EXT1: variants seen among roughly 807,000 people sequenced by gnomAD.
EXT1 encodes the protein exostosin-1.
Under a neutral mutation model 82.5 loss-of-function variants are expected in EXT1, and 20 were observed. That is an observed-to-expected ratio of 0.24 (90% CI 0.17 to 0.35). EXT1 has a LOEUF of 0.35. EXT1 is among the 10% of genes least tolerant of loss of function. The pLI is 1.00. For missense variants in EXT1, 757 were observed against 936.5 expected (o/e 0.81, Z 2.50); for synonymous variants, 348 against 350.8 (o/e 0.99, Z 0.09).
intron 1 of EXT1, among the ~76,000 whole-genome samples, chr8:117,870,031 A>G (rs899862687): frequency 3.3e-5 from 5 of 152,088 alleles, no homozygotes; most frequent in Non-Finnish European, 7.4e-5. Flanking sequence ...ATGTCCCCCA[A>G]CCTTGAAGCA....
At chr8:117,909,185 A>G (rs1182113708) in intron 1 of EXT1, among the ~76,000 whole-genome samples, 1 of 152,222 alleles carries the variant, frequency 6.6e-6, no homozygotes, top group Non-Finnish European at 1.5e-5. Context: ...CATGGCTAAA[A>G]AAGAACAATA....
At chr8:118,063,846 C>CTTTA (rs1161651930) in intron 1 of EXT1, among the ~76,000 whole-genome samples, 68 of 150,756 alleles carry the variant, frequency 4.5e-4, no homozygotes, top group African/African-American at 1.6e-3. Flanking sequence ...CAGAGCTACA[C>CTTTA]TTTATTTATT....
intron 1 of EXT1, among the ~76,000 whole-genome samples, chr8:117,937,543 T>C (rs1166269542): frequency 6.6e-6 from 1 of 152,236 alleles, no homozygotes; most frequent in African/African-American, 2.4e-5. Flanking sequence ...CTGAATATAG[T>C]TGTCCCAGCA....
At chr8:118,069,819 A>T (rs1817055311) in intron 1 of EXT1, among the ~76,000 whole-genome samples, 1 of 152,194 alleles carries the variant, frequency 6.6e-6, no homozygotes, top group Non-Finnish European at 1.5e-5. Flanking sequence ...ATCTACCTGT[A>T]GTAACAATGT....
rs11308914 is a variant in EXT1, at chr8:117,956,177, C to CA, written c.963-118977dup. ...ATAACTACGGATTTTTTTTTAACAG[C>CA]AAAAAAAAAAAAACAAGTCGGGGAT... On this transcript the variant is annotated intron_variant, in intron 1 of 10. Coordinates refer to ENST00000378204, the MANE Select transcript of EXT1 (RefSeq NM_000127.3). Among the ~76,000 whole-genome samples, 255 of 141,884 alleles carry CA rather than the reference C, an allele frequency of 1.8e-3. 1 individual carries two copies. Among genetic ancestry groups the CA allele is most frequent in the South Asian group, 9.9e-3 (44 of 4,438 alleles). 93.1% of individuals were successfully genotyped at this position (141,884 alleles called of 152,430 possible).
intron 1 of EXT1, among the ~76,000 whole-genome samples, chr8:118,017,564 G>T (rs1019387288): frequency 6.6e-6 from 1 of 152,120 alleles, no homozygotes; most frequent in Non-Finnish European, 1.5e-5. Context: ...CATTGGTTTA[G>T]AAAGCAGATG....
At chr8:117,867,293 C>T (rs989045145) in intron 1 of EXT1, among the ~76,000 whole-genome samples, 1 of 140,274 alleles carries the variant, frequency 7.1e-6, no homozygotes, top group Admixed American at 7.2e-5. Context: ...AATTTATAGC[C>T]CAGGAAAATG....
chr8:118,093,445 T>C (rs539079265), intron 1 of EXT1, among the ~76,000 whole-genome samples: 1 of 152,318 alleles, frequency 6.6e-6, no homozygotes, highest in South Asian at 2.1e-4. Context: ...GTGAACCATT[T>C]GCCAGAGTCT....
intron 1 of EXT1, among the ~76,000 whole-genome samples, chr8:117,972,900 C>G (rs1025723732): frequency 2.0e-5 from 3 of 152,102 alleles, no homozygotes; most frequent in Middle Eastern, 3.2e-3. Flanking sequence ...TTACCTCCCA[C>G]CAGATCCCTC....
At chr8:118,046,633 A>T (rs1002960005) in intron 1 of EXT1, among the ~76,000 whole-genome samples, 1 of 152,166 alleles carries the variant, frequency 6.6e-6, no homozygotes, top group Non-Finnish European at 1.5e-5. Flanking sequence ...CTCTGAAGTG[A>T]CTTTTAGAAA....
At chr8:118,028,984 C>T (rs558558016) in intron 1 of EXT1, among the ~76,000 whole-genome samples, 3 of 152,048 alleles carry the variant, frequency 2.0e-5, no homozygotes, top group African/African-American at 7.2e-5. Flanking sequence ...ATATATTCAC[C>T]ATAAATATAT....
chr8:118,082,565 A>G (rs1279274051), intron 1 of EXT1, among the ~76,000 whole-genome samples: 1 of 152,230 alleles, frequency 6.6e-6, no homozygotes, highest in East Asian at 1.9e-4. Flanking sequence ...AATAAGATTG[A>G]GTAATCCAAA....
At chr8:117,927,821 T>C (rs1813980783) in intron 1 of EXT1, among the ~76,000 whole-genome samples, 1 of 152,250 alleles carries the variant, frequency 6.6e-6, no homozygotes, top group Non-Finnish European at 1.5e-5. Context: ...CTTGAAATCC[T>C]GAACAATTTT....
At chr8:117,829,035 A>G (rs1366106789) in intron 4 of EXT1, among the ~76,000 whole-genome samples, 3 of 152,174 alleles carry the variant, frequency 2.0e-5, no homozygotes, top group Admixed American at 6.5e-5. Context: ...ATATTACATT[A>G]GCTTTTAGAG....
At chr8:118,059,088 C>T (rs1445880623) in intron 1 of EXT1, among the ~76,000 whole-genome samples, 1 of 152,166 alleles carries the variant, frequency 6.6e-6, no homozygotes, top group Non-Finnish European at 1.5e-5. Flanking sequence ...TGGGAGGACC[C>T]TAAACAGAAA....
intron 1 of EXT1, among the ~76,000 whole-genome samples, chr8:118,036,013 A>G (rs1278850645): frequency 1.3e-5 from 2 of 151,932 alleles, no homozygotes; most frequent in Admixed American, 6.6e-5. Flanking sequence ...AAAAACACTT[A>G]GGCAGTAATG....
chr8:117,828,342 G>A (rs969002485), intron 4 of EXT1, among the ~76,000 whole-genome samples: 1 of 152,016 alleles, frequency 6.6e-6, no homozygotes, highest in Admixed American at 6.6e-5. Flanking sequence ...CCTGAGCCAG[G>A]AGTTCAAGAC....
intron 1 of EXT1, among the ~76,000 whole-genome samples, chr8:117,955,648 C>T (rs1039318759): frequency 2.6e-5 from 4 of 152,050 alleles, no homozygotes; most frequent in East Asian, 1.9e-4. Flanking sequence ...CTCCACCTCC[C>T]GGGTTCAAGC....
chr8:117,915,352 C>CATAT (rs58661474), intron 1 of EXT1, among the ~76,000 whole-genome samples: 37,984 of 147,042 alleles, frequency 0.26, 5,503 homozygotes, highest in East Asian at 0.33. Context: ...TAGATATAAC[C>CATAT]ATATATATAT....
Sources: allele counts gnomAD v4.1 joint callset (sites outside exome capture counted in the v4.1 genomes callset), GRCh38; gene constraint gnomAD v4.1.1; transcripts MANE v1.5; gene names NCBI Gene and HGNC (gene_info 2026-07-23, HGNC 2026-07-21).